ABTB1: variants seen among roughly 807,000 people sequenced by gnomAD.
The protein encoded by ABTB1 is ankyrin repeat and BTB/POZ domain-containing protein 1.
ABTB1 carries 45 observed loss-of-function variants against 57.1 expected under a neutral mutation model. That is an observed-to-expected ratio of 0.79 (90% CI 0.62 to 1.01). The LOEUF is 1.01. ABTB1 is among the 50% of genes least tolerant of loss of function. The pLI is 0.00. For missense variants in ABTB1, 630 were observed against 666.3 expected (o/e 0.95, Z 0.60); for synonymous variants, 302 against 275.4 (o/e 1.10, Z -0.95).
rs1305945084 is a variant in ABTB1, at chr3:127,680,069, C to T, written c.1114C>T (p.Leu372=). The change falls in exon 11 of 12, where the codon CTG becomes TTG. Residue 372 remains leucine (L), a synonymous_variant. Transcript: ENST00000232744. ...CCTGAAGAGGCTGTGCGGCCGCAGC[C>T]TGGCTCAGATGCTAGACGAGGACAC... ...PGLKRLCGRS[L]AQMLDEDTVV... 3 of 1,613,858 alleles carry T rather than the reference C, an allele frequency of 1.9e-6. No homozygotes were observed. The highest frequency in any genetic ancestry group is 2.5e-6 in the Non-Finnish European group (3 of 1,180,034).
Position 127,676,602 on chromosome 3 carries a change from TAGG to T in ABTB1, c.526+27_526+29del, listed in dbSNP as rs542026578. ...CACAGGTGACCCCCTGGGTCCAGGG[TAGG>T]AGGAGAGGGAGTGGGCCGTCCTTCT... On this transcript the variant is annotated intron_variant, in intron 6 of 11. Coordinates refer to ENST00000232744, the MANE Select transcript of ABTB1 (RefSeq NM_172027.3). The surrounding 1 kb of genome is among the most constrained non-coding windows in gnomAD (Gnocchi z 5.4). 272 of 1,612,980 alleles carry T rather than the reference TAGG, an allele frequency of 1.7e-4. 2 individuals are homozygous for T. The South Asian group carries it at 2.8e-3, about 17-fold the overall frequency.
chr3:127,680,658 A>G lies in ABTB1; in HGVS notation c.*183A>G. 1.2e-6 allele frequency: 1 copy of G among 804,310 alleles called. No homozygotes were observed. Among genetic ancestry groups the G allele is most frequent in the Non-Finnish European group, 2.1e-6 (1 of 476,040 alleles). 49.8% of individuals were successfully genotyped at this position (804,310 alleles called of 1,614,324 possible). A position where few individuals can be genotyped will look rare whatever the true frequency, so the allele number is the denominator to read the frequency against. ...GACCCCAGGGGAGGATCCATTTGGG[A>G]TGAGCCCCCTCCCCCCAATGCACAA... On this transcript the variant is annotated 3_prime_UTR_variant, in exon 12 of 12. Transcript: ENST00000232744.
Position 127,676,849 on chromosome 3 carries a change from TG to T in ABTB1, c.527-115del. 1 of 1,033,968 alleles carries T rather than the reference TG, an allele frequency of 9.7e-7. No homozygotes were observed. The highest frequency in any genetic ancestry group is 1.6e-5 in the African/African-American group (1 of 62,950). 64.0% of individuals were successfully genotyped at this position (1,033,968 alleles called of 1,614,324 possible). On this transcript the variant is annotated intron_variant, in intron 6 of 11. Coordinates refer to ENST00000232744, the MANE Select transcript of ABTB1 (RefSeq NM_172027.3). The surrounding 1 kb of genome is among the most constrained non-coding windows in gnomAD (Gnocchi z 5.4). Reference sequence around the variant, plus strand: ...TTGATGGGGAAACCATGGTGGCAAGTGGGCCCAGGAGTCCTAGTCCTGCAGC... The same window carrying T: ...TTGATGGGGAAACCATGGTGGCAAGTGGCCCAGGAGTCCTAGTCCTGCAGC...
chr3:127,675,201 A>G (rs1035416312), intron 3 of ABTB1, among the ~76,000 whole-genome samples: 1 of 151,190 alleles, frequency 6.6e-6, no homozygotes, highest in Non-Finnish European at 1.5e-5. Flanking sequence ...TGCCACCATT[A>G]CAGAGTGACC....
At chr3:127,679,407 C>T (rs2075069485) in intron 10 of ABTB1, 11 of 395,312 alleles carry the variant, frequency 2.8e-5, no homozygotes, top group South Asian at 1.9e-4. Context: ...CAGGCTCTGG[C>T]CTGAATCTGA....
rs1316434996 is a variant in ABTB1, at chr3:127,676,011, C to T, written c.217C>T (p.Leu73Phe). 2 of 1,612,634 alleles carry T rather than the reference C, an allele frequency of 1.2e-6. No homozygotes were observed. Among genetic ancestry groups the T allele is most frequent in the Admixed American group, 1.7e-5 (1 of 59,978 alleles). ...CAACACCTTCGATGGTGAGCGCTGC[C>T]TCTATGGGGCACTGAGTGACCCCAT... ...EANTFDGERC[L>F]YGALSDPIRR... Residue 73 changes from leucine (L) to phenylalanine (F), a missense_variant, in exon 4 of 12, where the codon CTC becomes TTC. Transcript: ENST00000232744. The surrounding 1 kb of genome is among the most constrained non-coding windows in gnomAD (Gnocchi z 5.4).
At chr3:127,678,094 T>C (rs2075030531) in intron 10 of ABTB1, 1 of 265,184 alleles carries the variant, frequency 3.8e-6, no homozygotes, top group Non-Finnish European at 7.6e-6. Context: ...CCACTTGGGA[T>C]CCTCAGCTTC....
Position 127,677,121 on chromosome 3 carries a change from G to A in ABTB1, c.643+38G>A, listed in dbSNP as rs577058032. ...TTTGGGGCCCGGGGCCATGGGTGCG[G>A]CCTGGCAGGGCTGGCCTGGCTCCCT... is the stretch of plus-strand genomic sequence containing the variant. On this transcript the variant is annotated intron_variant, in intron 7 of 11. Transcript: ENST00000232744. The A allele has an allele frequency of 1.9e-6, 3 of 1,613,172 alleles. No individual in the cohort carries two copies. In the African/African-American group the frequency reaches 4.0e-5, roughly 22 times the overall value.
intron 10 of ABTB1, chr3:127,679,527 C>G (rs1173295908): frequency 2.2e-6 from 1 of 457,858 alleles, no homozygotes; most frequent in African/African-American, 2.0e-5. Flanking sequence ...TGGCAGAGTC[C>G]CTGCATAGGT....
Position 127,679,721 on chromosome 3 carries a change from C to T in ABTB1, c.1030-264C>T, listed in dbSNP as rs73859242. Reference sequence around the variant, plus strand: ...GCTCAGACCCTGGCTCCTGCGAGGGCCCTGCCTCCCGCCTGCCCTGCCAGC... The same window carrying T: ...GCTCAGACCCTGGCTCCTGCGAGGGTCCTGCCTCCCGCCTGCCCTGCCAGC... On this transcript the variant is annotated intron_variant, in intron 10 of 11. Coordinates refer to ENST00000232744, the MANE Select transcript of ABTB1 (RefSeq NM_172027.3). 6.5e-3 allele frequency: 3,807 copies of T among 582,828 alleles called. 123 individuals carry two copies. The highest frequency in any genetic ancestry group is 0.062 in the African/African-American group (3,380 of 54,422). 36.1% of individuals were successfully genotyped at this position (582,828 alleles called of 1,614,324 possible). A position where few individuals can be genotyped will look rare whatever the true frequency, so the allele number is the denominator to read the frequency against.
chr3:127,674,347 C>CCAT, intron 1 of ABTB1, 44 bp from the exon 2 acceptor site: 1 of 1,581,088 alleles, frequency 6.3e-7, no homozygotes, highest in Non-Finnish European at 8.6e-7. Context: ...TTTCTCAGAC[C>CCAT]ATGAACCCGT....
rs1399519154 is a variant in ABTB1 at position 127,676,624 on chromosome 3, T to A, written c.526+43T>A. ...GGGTAGGAGGAGAGGGAGTGGGCCG[T>A]CCTTCTGGACAGCAGTACACCTAGG... On this transcript the variant is annotated intron_variant, in intron 6 of 11. Coordinates refer to ENST00000232744, the MANE Select transcript of ABTB1 (RefSeq NM_172027.3). This position sits in a 1 kb window ranked among gnomAD's most constrained non-coding sequence, Gnocchi z 5.4. The A allele has an allele frequency of 6.2e-7, 1 of 1,609,842 alleles. No individual in the cohort carries two copies. The highest frequency in any genetic ancestry group is 1.7e-5 in the Admixed American group (1 of 59,978).
At chr3:127,679,347 G>A in intron 10 of ABTB1, 1 of 350,878 alleles carries the variant, frequency 2.8e-6, no homozygotes, top group South Asian at 2.1e-5. Context: ...CTTGTAATGT[G>A]GTCGCAGAGC....
chr3:127,673,015 T>A lies in ABTB1; in HGVS notation c.-11T>A. On this transcript the variant is annotated 5_prime_UTR_variant, in exon 1 of 12. Coordinates refer to ENST00000232744, the MANE Select transcript of ABTB1 (RefSeq NM_172027.3). ...CCGAGGTCGTTCGGCTCGGGTACCA[T>A]CCTCCGCGCCATGGACACCAGCGAC... The A allele has an allele frequency of 6.4e-7, 1 of 1,561,664 alleles. No individual in the cohort carries two copies. The highest frequency in any genetic ancestry group is 8.7e-7 in the Non-Finnish European group (1 of 1,153,920).
intron 10 of ABTB1, chr3:127,678,303 A>AGT (rs1302502872): frequency 1.7e-5 from 3 of 172,510 alleles, no homozygotes; most frequent in African/African-American, 7.6e-5. Context: ...TGAGAGAGAG[A>AGT]GAGAGTGTGT....
chr3:127,676,696 G>C lies in ABTB1; in HGVS notation c.526+115G>C. ...CCTCTAGACACTTCATGGTCCCCCCGGGGTGGTTCCAGCTGCCTCTCGGGT... is the reference window on the plus strand; with the variant it reads ...CCTCTAGACACTTCATGGTCCCCCCCGGGTGGTTCCAGCTGCCTCTCGGGT... On this transcript the variant is annotated intron_variant, in intron 6 of 11. Coordinates refer to ENST00000232744, the MANE Select transcript of ABTB1 (RefSeq NM_172027.3). The surrounding 1 kb of genome is among the most constrained non-coding windows in gnomAD (Gnocchi z 5.4). 1 of 1,401,232 alleles carries C rather than the reference G, an allele frequency of 7.1e-7. No individual in the cohort carries two copies. The highest frequency in any genetic ancestry group is 9.9e-7 in the Non-Finnish European group (1 of 1,010,306). The allele number at this position is 1,401,232 out of a possible 1,614,324, so 86.8% of individuals were successfully genotyped here.
chr3:127,679,952 C>T (rs1559890691), intron 10 of ABTB1, 33 bp from the exon 11 acceptor site: 6 of 1,608,812 alleles, frequency 3.7e-6, no homozygotes, highest in South Asian at 1.1e-5. Flanking sequence ...TTGGTGACCT[C>T]GGGGGGCACC....
Position 127,680,833 on chromosome 3 carries a change from T to A in ABTB1, c.*358T>A. The A allele has an allele frequency of 1.6e-6, 1 of 631,648 alleles. No homozygotes were observed. 39.1% of individuals were successfully genotyped at this position (631,648 alleles called of 1,614,324 possible). A position where few individuals can be genotyped will look rare whatever the true frequency, so the allele number is the denominator to read the frequency against. On this transcript the variant is annotated 3_prime_UTR_variant, in exon 12 of 12. Coordinates refer to ENST00000232744, the MANE Select transcript of ABTB1 (RefSeq NM_172027.3). The stretch of plus-strand genomic sequence containing the variant: ...TGGCCCTTGCCTAGCCCTGAATTGC[T>A]TCTCTAAGCTGGTGTTCCCATGCAC...
rs2107555881 is a variant in ABTB1 at position 127,676,632 on chromosome 3, G to C, written c.526+51G>C. 2 of 1,605,660 alleles carry C rather than the reference G, an allele frequency of 1.2e-6. No homozygotes were observed. The highest frequency in any genetic ancestry group is 4.5e-5 in the East Asian group (2 of 44,806). ...GGAGAGGGAGTGGGCCGTCCTTCTG[G>C]ACAGCAGTACACCTAGGTGTGGCTG... On this transcript the variant is annotated intron_variant, in intron 6 of 11. Coordinates refer to ENST00000232744, the MANE Select transcript of ABTB1 (RefSeq NM_172027.3). The surrounding 1 kb of genome is among the most constrained non-coding windows in gnomAD (Gnocchi z 5.4).
Sources: allele counts gnomAD v4.1 joint callset (sites outside exome capture counted in the v4.1 genomes callset), GRCh38; gene constraint gnomAD v4.1.1; non-coding constraint Gnocchi (gnomAD v3.1); transcripts MANE v1.5; gene names NCBI Gene and HGNC (gene_info 2026-07-23, HGNC 2026-07-21).